DCC: variants seen among roughly 807,000 people sequenced by gnomAD.
DCC encodes netrin receptor DCC.
In DCC, 58 loss-of-function variants were observed where a neutral mutation model predicts 172.5. That is an observed-to-expected ratio of 0.34 (90% confidence interval 0.27 to 0.42). The LOEUF (loss-of-function observed/expected upper bound fraction) is 0.42, where lower values mean the gene tolerates loss of function less well. DCC is among the 10% of genes least tolerant of loss of function. DCC has a pLI of 1.00. For missense variants in DCC, 1,740 were observed against 1,791.0 expected (o/e 0.97, Z 0.51); for synonymous variants, 709 against 644.5 (o/e 1.10, Z -1.52).
intron 1 of DCC, among the ~76,000 whole-genome samples, chr18:52,352,701 G>A (rs2144248216): frequency 6.6e-6 from 1 of 152,254 alleles, no homozygotes; most frequent in East Asian, 1.9e-4. Flanking sequence ...TTGATTTTGT[G>A]TCAATGCCCA....
intron 15 of DCC, among the ~76,000 whole-genome samples, chr18:53,364,346 G>A (rs776036904): frequency 3.3e-5 from 5 of 151,524 alleles, no homozygotes; most frequent in Non-Finnish European, 5.9e-5. Context: ...TTCATAATTA[G>A]CAGGAAATTG....
intron 1 of DCC, among the ~76,000 whole-genome samples, chr18:52,460,940 C>A (rs972056315): frequency 1.9e-4 from 29 of 152,108 alleles, no homozygotes; most frequent in African/African-American, 7.0e-4. Flanking sequence ...TATACTGAAG[C>A]TGTACTAAAT....
chr18:52,390,099 A>G (rs765571079), intron 1 of DCC, among the ~76,000 whole-genome samples: 5 of 152,022 alleles, frequency 3.3e-5, no homozygotes, highest in Non-Finnish European at 7.4e-5. Flanking sequence ...TCCCCGCCAC[A>G]AACAGAAGAC....
intron 2 of DCC, among the ~76,000 whole-genome samples, chr18:52,800,477 T>G (rs1269064663): frequency 1.3e-5 from 2 of 152,220 alleles, no homozygotes; most frequent in African/African-American, 2.4e-5. Context: ...ATTCATTGAT[T>G]CAGGGTATCA....
In DCC at chr18:52,392,115, G is replaced by A. The variant is rs143037670; in HGVS notation, c.91+51237G>A. Among the ~76,000 whole-genome samples the A allele has an allele frequency of 1.4e-4, 21 of 152,308 alleles. No homozygotes were observed. In the East Asian group the frequency reaches 2.5e-3, roughly 18 times the overall value. On this transcript the variant is annotated intron_variant, in intron 1 of 28. Transcript: ENST00000442544. Reference sequence around the variant, plus strand: ...TCATTCAGTTATGTGTGAATAAGAAGCCACTTGATCTATTAATTATGCTTC... The same window carrying A: ...TCATTCAGTTATGTGTGAATAAGAAACCACTTGATCTATTAATTATGCTTC...
At chr18:52,782,694 C>A (rs573536429) in intron 2 of DCC, among the ~76,000 whole-genome samples, 2 of 152,056 alleles carry the variant, frequency 1.3e-5, no homozygotes, top group South Asian at 2.1e-4. Flanking sequence ...ACTGGCTGAA[C>A]CTGGATCAAT....
chr18:52,894,229 G>A (rs1392665169), intron 2 of DCC, among the ~76,000 whole-genome samples: 1 of 152,034 alleles, frequency 6.6e-6, no homozygotes, highest in Admixed American at 6.6e-5. Context: ...TTTTGTCACA[G>A]TGCGCTATGC....
intron 21 of DCC, among the ~76,000 whole-genome samples, chr18:53,419,012 G>C (rs1206257415): frequency 6.6e-6 from 1 of 152,140 alleles, no homozygotes; most frequent in Non-Finnish European, 1.5e-5. Flanking sequence ...CCAGGCACAG[G>C]TGGCAAATAA....
chr18:53,295,999 T>A (rs1324974558), intron 12 of DCC, among the ~76,000 whole-genome samples: 3 of 152,204 alleles, frequency 2.0e-5, no homozygotes, highest in African/African-American at 7.2e-5. Context: ...GAAATGTGAA[T>A]GGTACCCTGC....
intron 1 of DCC, among the ~76,000 whole-genome samples, chr18:52,585,723 C>T (rs1175193843): frequency 6.6e-6 from 1 of 152,208 alleles, no homozygotes; most frequent in African/African-American, 2.4e-5. Flanking sequence ...CAAACCTAAT[C>T]ATACAATTCC....
chr18:53,471,083 C>A (rs1054895296), intron 25 of DCC, among the ~76,000 whole-genome samples: 12 of 152,188 alleles, frequency 7.9e-5, no homozygotes, highest in Non-Finnish European at 1.6e-4. Context: ...AAGCTACCAT[C>A]ATCTCTTACA....
intron 15 of DCC, among the ~76,000 whole-genome samples, chr18:53,360,402 G>A (rs543891300): frequency 6.6e-6 from 1 of 152,166 alleles, no homozygotes; most frequent in African/African-American, 2.4e-5. Flanking sequence ...ATTTGAGAGA[G>A]GTGAGTGGGT....
intron 2 of DCC, among the ~76,000 whole-genome samples, chr18:52,860,977 G>T (rs1214826784): frequency 7.0e-6 from 1 of 143,182 alleles, no homozygotes; most frequent in African/African-American, 2.6e-5. Context: ...CTGCACTCCA[G>T]CCTGGATGAC....
intron 2 of DCC, among the ~76,000 whole-genome samples, chr18:52,904,708 A>C (rs2039855863): frequency 1.3e-5 from 2 of 152,210 alleles, no homozygotes; most frequent in Non-Finnish European, 2.9e-5. Flanking sequence ...AATCACAGTA[A>C]CATAAAATAT....
intron 2 of DCC, among the ~76,000 whole-genome samples, chr18:52,775,589 C>G (rs2037415704): frequency 6.6e-6 from 1 of 152,172 alleles, no homozygotes; most frequent in African/African-American, 2.4e-5. Flanking sequence ...CCCCAGCTTT[C>G]CTCCAACTGC....
intron 5 of DCC, among the ~76,000 whole-genome samples, chr18:52,958,470 T>A (rs1319603595): frequency 6.6e-6 from 1 of 152,106 alleles, no homozygotes; most frequent in Non-Finnish European, 1.5e-5. Flanking sequence ...CTTTTAATAA[T>A]TCCATATTTT....
chr18:52,640,041 G>A (rs775348213), intron 1 of DCC, among the ~76,000 whole-genome samples: 79 of 152,118 alleles, frequency 5.2e-4, no homozygotes, highest in Non-Finnish European at 9.6e-4. Flanking sequence ...TCATACCAGG[G>A]ATGCAGGGAT....
chr18:53,151,741 C>G (rs2054644557), intron 7 of DCC, among the ~76,000 whole-genome samples: 1 of 152,046 alleles, frequency 6.6e-6, no homozygotes, highest in Non-Finnish European at 1.5e-5. Flanking sequence ...TTTATAAAAT[C>G]TACATTTCTT....
intron 1 of DCC, among the ~76,000 whole-genome samples, chr18:52,581,944 C>T (rs577674647): frequency 1.9e-4 from 29 of 152,116 alleles, no homozygotes; most frequent in East Asian, 3.9e-4. Context: ...AGTTAACATA[C>T]GCTAGAAAAC....
Sources: allele counts gnomAD v4.1 joint callset (sites outside exome capture counted in the v4.1 genomes callset), GRCh38; gene constraint gnomAD v4.1.1; transcripts MANE v1.5; gene names NCBI Gene and HGNC (gene_info 2026-07-23, HGNC 2026-07-21).